Variants in JAZF1 observed in about 807,000 individuals in gnomAD.
JAZF1 encodes juxtaposed with another zinc finger protein 1.
JAZF1 carries 8 observed loss-of-function variants against 26.4 expected under a neutral mutation model. The observed-to-expected ratio is 0.30, with a 90% confidence interval of 0.18 to 0.55. The LOEUF is 0.55. JAZF1 is among the 20% of genes least tolerant of loss of function. The probability of loss-of-function intolerance (pLI) is 0.94; values close to 1 mark genes in which losing one functional copy is unlikely to be tolerated. For synonymous variants in JAZF1, 126 were observed against 122.3 expected (o/e 1.03, Z -0.20); for missense variants, 199 against 322.0 (o/e 0.62, Z 2.92).
intron 2 of JAZF1, among the ~76,000 whole-genome samples, chr7:27,907,919 C>A (rs978251817): frequency 2.0e-5 from 3 of 152,170 alleles, no homozygotes; most frequent in African/African-American, 7.2e-5. Flanking sequence ...GTAGTCACTA[C>A]AAACCAATGA....
chr7:27,881,944 CTTTTA>C (rs1783778801), intron 3 of JAZF1, among the ~76,000 whole-genome samples: 1 of 152,160 alleles, frequency 6.6e-6, no homozygotes, highest in Non-Finnish European at 1.5e-5. Context: ...GTCTGCTTGA[CTTTTA>C]TTTTTTATTT....
At chr7:28,090,918 C>T (rs1375456031) in intron 1 of JAZF1, among the ~76,000 whole-genome samples, 2 of 150,412 alleles carry the variant, frequency 1.3e-5, no homozygotes, top group Non-Finnish European at 3.0e-5. Flanking sequence ...GCTCCGCTTC[C>T]CGGGTTCACG....
intron 2 of JAZF1, among the ~76,000 whole-genome samples, chr7:27,955,476 C>T (rs1448371775): frequency 6.6e-6 from 1 of 152,178 alleles, no homozygotes; most frequent in Non-Finnish European, 1.5e-5. Flanking sequence ...CATCACCTCC[C>T]TAAAGCCTTG....
intron 2 of JAZF1, among the ~76,000 whole-genome samples, chr7:27,971,994 G>A (rs1395460900): frequency 6.6e-6 from 1 of 152,160 alleles, no homozygotes; most frequent in Non-Finnish European, 1.5e-5. Context: ...AGCTACTACT[G>A]TGTAACAGTG....
chr7:27,904,925 C>T (rs955213042), intron 2 of JAZF1, among the ~76,000 whole-genome samples: 1 of 146,024 alleles, frequency 6.8e-6, no homozygotes, highest in Non-Finnish European at 1.5e-5. Context: ...TTAAGAGAGA[C>T]GTTATTTTCT....
intron 1 of JAZF1, among the ~76,000 whole-genome samples, chr7:28,127,193 A>G (rs1271158403): frequency 1.3e-5 from 2 of 152,236 alleles, no homozygotes; most frequent in Non-Finnish European, 2.9e-5. Context: ...GGGAAAATGG[A>G]CAGACCCTTC....
chr7:28,174,311 A>G (rs759781466), intron 1 of JAZF1, among the ~76,000 whole-genome samples: 19 of 152,148 alleles, frequency 1.2e-4, no homozygotes, highest in Non-Finnish European at 2.4e-4. Flanking sequence ...ATTCAGAAAC[A>G]TTGTCTCCTG....
chr7:27,851,176 T>C (rs1783141919), intron 3 of JAZF1, among the ~76,000 whole-genome samples: 2 of 152,038 alleles, frequency 1.3e-5, no homozygotes, highest in Admixed American at 6.6e-5. Context: ...CCCCTAACCT[T>C]AGGTGATCCA....
chr7:27,835,878 T>A (rs905776188), intron 4 of JAZF1, among the ~76,000 whole-genome samples: 1 of 152,190 alleles, frequency 6.6e-6, no homozygotes. Flanking sequence ...CTGAAATTCT[T>A]TGGTCTTTGA....
At chr7:27,835,184 G>A (rs1782781862) in intron 4 of JAZF1, among the ~76,000 whole-genome samples, 1 of 151,984 alleles carries the variant, frequency 6.6e-6, no homozygotes, top group African/African-American at 2.4e-5. Flanking sequence ...GAAAATAGAG[G>A]AAACCAAAAA....
chr7:27,987,199 T>C (rs1346994955), intron 2 of JAZF1, among the ~76,000 whole-genome samples: 4 of 151,194 alleles, frequency 2.6e-5, no homozygotes, highest in South Asian at 2.1e-4. Context: ...CCATCCCATC[T>C]AGGAGGTGAG....
chr7:27,980,925 C>T (rs957055375), intron 2 of JAZF1, among the ~76,000 whole-genome samples: 1 of 152,094 alleles, frequency 6.6e-6, no homozygotes, highest in Admixed American at 6.5e-5. Flanking sequence ...CCACTATGGC[C>T]AGGCTAGTAG....
intron 1 of JAZF1, among the ~76,000 whole-genome samples, chr7:27,996,854 C>A (rs1247611846): frequency 9.2e-5 from 14 of 152,164 alleles, no homozygotes; most frequent in Admixed American, 9.2e-4. Context: ...GTAAGAGATG[C>A]AAAGTAATTG....
At chr7:27,937,959 T>C (rs536835434) in intron 2 of JAZF1, among the ~76,000 whole-genome samples, 3 of 152,234 alleles carry the variant, frequency 2.0e-5, no homozygotes, top group Non-Finnish European at 4.4e-5. Context: ...TTTTTCTTCT[T>C]AAACTTAGCA....
At chr7:27,913,208 T>G (rs1371454359) in intron 2 of JAZF1, among the ~76,000 whole-genome samples, 2 of 150,648 alleles carry the variant, frequency 1.3e-5, no homozygotes, top group East Asian at 3.9e-4. Context: ...AAAAAAAAAT[T>G]TATATACATT....
At position 27,920,424 on chromosome 7, in the gene JAZF1, A is replaced by G. The variant is rs374154096; in HGVS notation, c.189-25008T>C. ...TGTTTTAATTGGTTTTAGGTTTTGC[A>G]CATTCCATAACTGAACTGTGTAAGC... is the stretch of plus-strand genomic sequence containing the variant. On this transcript the variant is annotated intron_variant, in intron 2 of 4. Coordinates refer to ENST00000283928, the MANE Select transcript of JAZF1 (RefSeq NM_175061.4). 1.3e-4 allele frequency among the ~76,000 whole-genome samples: 20 copies of G among 152,334 alleles called. No homozygotes were observed. In the South Asian group the frequency reaches 4.1e-3, roughly 32 times the overall value.
At chr7:27,835,069 GCTA>G (rs1208330055) in intron 4 of JAZF1, among the ~76,000 whole-genome samples, 1 of 152,178 alleles carries the variant, frequency 6.6e-6, no homozygotes, top group Non-Finnish European at 1.5e-5. Context: ...TGGATGAAGG[GCTA>G]CTAAAATATT....
chr7:27,939,571 C>T (rs1260259787), intron 2 of JAZF1, among the ~76,000 whole-genome samples: 1 of 152,222 alleles, frequency 6.6e-6, no homozygotes, highest in Non-Finnish European at 1.5e-5. Context: ...TATCCATGGC[C>T]TCAGGCTTTT....
intron 2 of JAZF1, among the ~76,000 whole-genome samples, chr7:27,941,453 T>C (rs1289615397): frequency 1.3e-5 from 2 of 152,234 alleles, no homozygotes; most frequent in East Asian, 3.8e-4. Flanking sequence ...GACAGCTTGC[T>C]ACTGCTGTGA....
Sources: allele counts gnomAD v4.1 joint callset (sites outside exome capture counted in the v4.1 genomes callset), GRCh38; gene constraint gnomAD v4.1.1; transcripts MANE v1.5; gene names NCBI Gene and HGNC (gene_info 2026-07-23, HGNC 2026-07-21).